Variants in CSMD1 observed in about 807,000 individuals in gnomAD.
CSMD1 encodes the protein CUB and Sushi multiple domains 1.
A neutral mutation model predicts 417.5 loss-of-function variants in CSMD1; 213 were observed. That is an observed-to-expected ratio of 0.51 (90% CI 0.46 to 0.57). CSMD1 has a LOEUF of 0.57. Ranked by LOEUF, CSMD1 falls within the 20% of genes least tolerant of loss-of-function variation. CSMD1 has a pLI of 0.00. For synonymous variants in CSMD1, 2,862 were observed against 1,736.8 expected (o/e 1.65, Z -16.11); for missense variants, 6,923 against 4,529.7 (o/e 1.53, Z -15.17).
intron 1 of CSMD1, among the ~76,000 whole-genome samples, chr8:4,647,396 T>TACGCGTGTGCCACGGAGGC (rs1803591792): frequency 1.2e-5 from 1 of 85,504 alleles, no homozygotes. Flanking sequence ...GCCACGGAGG[T>TACGCGTGTGCCACGGAGGC]CTGTTAGGTA....
At chr8:3,659,498 G>A (rs1310569689) in intron 7 of CSMD1, among the ~76,000 whole-genome samples, 1 of 152,094 alleles carries the variant, frequency 6.6e-6, no homozygotes, top group Non-Finnish European at 1.5e-5. Flanking sequence ...CTTAGCCAAG[G>A]TCAAACTGTT....
At chr8:4,720,341 G>A (rs1257918225) in intron 1 of CSMD1, among the ~76,000 whole-genome samples, 1 of 152,066 alleles carries the variant, frequency 6.6e-6, no homozygotes, top group Non-Finnish European at 1.5e-5. Flanking sequence ...GAATAACATG[G>A]TACCATGTAT....
chr8:4,466,255 G>T (rs938042612), intron 2 of CSMD1, among the ~76,000 whole-genome samples: 4 of 152,086 alleles, frequency 2.6e-5, no homozygotes, highest in African/African-American at 9.7e-5. Flanking sequence ...GATAACCACA[G>T]ATCAGTGGAA....
At chr8:4,123,839 T>C (rs183210044) in intron 3 of CSMD1, among the ~76,000 whole-genome samples, 1 of 152,136 alleles carries the variant, frequency 6.6e-6, no homozygotes, top group African/African-American at 2.4e-5. Flanking sequence ...CTATAGAGAA[T>C]GAGAACACGG....
chr8:3,822,117 A>AT (rs961611683), intron 5 of CSMD1, among the ~76,000 whole-genome samples: 3 of 150,966 alleles, frequency 2.0e-5, no homozygotes, highest in Non-Finnish European at 2.9e-5. Flanking sequence ...TTTCTGGACA[A>AT]TTTTTTTTCT....
intron 1 of CSMD1, among the ~76,000 whole-genome samples, chr8:4,766,781 G>A (rs987531914): frequency 1.3e-5 from 2 of 152,180 alleles, no homozygotes. Flanking sequence ...TACGCACAAT[G>A]AGAGTTGGAT....
intron 11 of CSMD1, among the ~76,000 whole-genome samples, chr8:3,470,271 C>T (rs1054329186): frequency 1.3e-5 from 2 of 152,124 alleles, no homozygotes; most frequent in African/African-American, 4.8e-5. Flanking sequence ...AGTATTGTTT[C>T]ATTTACTTCA....
intron 2 of CSMD1, among the ~76,000 whole-genome samples, chr8:4,568,431 C>G (rs545312428): frequency 1.3e-5 from 2 of 152,112 alleles, no homozygotes; most frequent in Non-Finnish European, 2.9e-5. Context: ...CACCCATGTC[C>G]TTGCAAATGA....
At chr8:3,033,362 A>G (rs10112968) in intron 50 of CSMD1, among the ~76,000 whole-genome samples, 20 of 152,252 alleles carry the variant, frequency 1.3e-4, no homozygotes, top group African/African-American at 4.1e-4. Context: ...CAGATAAAGC[A>G]TTGTTGTTCA....
intron 41 of CSMD1, among the ~76,000 whole-genome samples, chr8:3,132,183 AT>A (rs1817827662): frequency 6.6e-6 from 1 of 152,190 alleles, no homozygotes. Flanking sequence ...CTCAGCAGAT[AT>A]CTCAGTCACA....
intron 3 of CSMD1, among the ~76,000 whole-genome samples, chr8:4,399,599 A>T (rs111550248): frequency 1.3e-5 from 2 of 152,126 alleles, no homozygotes; most frequent in African/African-American, 2.4e-5. Context: ...GGATCTTGCC[A>T]TATTTGTAGT....
intron 4 of CSMD1, among the ~76,000 whole-genome samples, chr8:4,004,419 TC>T (rs1453956899): frequency 1.4e-5 from 2 of 143,014 alleles, no homozygotes; most frequent in Non-Finnish European, 3.0e-5. Context: ...CTGCCATGAA[TC>T]TTTTTTTTTT....
intron 4 of CSMD1, among the ~76,000 whole-genome samples, chr8:4,016,453 C>T (rs530493822): frequency 6.6e-6 from 1 of 152,226 alleles, no homozygotes; most frequent in Admixed American, 6.5e-5. Context: ...TAGACGTCTC[C>T]AGGTCTCAGG....
At chr8:3,666,202 T>A (rs1798685726) in intron 7 of CSMD1, among the ~76,000 whole-genome samples, 1 of 152,202 alleles carries the variant, frequency 6.6e-6, no homozygotes, top group Admixed American at 6.5e-5. Context: ...GGCTTGATGC[T>A]TTGTTTTTCT....
At chr8:3,817,163 G>T (rs1326174805) in intron 5 of CSMD1, among the ~76,000 whole-genome samples, 1 of 145,770 alleles carries the variant, frequency 6.9e-6, no homozygotes, top group African/African-American at 2.5e-5. Context: ...CGAGTAGAAA[G>T]AGACGACCCC....
intron 9 of CSMD1, among the ~76,000 whole-genome samples, chr8:3,579,775 A>C (rs1800303032): frequency 6.6e-6 from 1 of 152,208 alleles, no homozygotes; most frequent in Non-Finnish European, 1.5e-5. Flanking sequence ...GGATTGAATA[A>C]AAGAAGACAA....
chr8:4,546,140 T>C (rs999941460), intron 2 of CSMD1, among the ~76,000 whole-genome samples: 3 of 152,204 alleles, frequency 2.0e-5, no homozygotes, highest in African/African-American at 7.2e-5. Context: ...CAGAGGCTTC[T>C]AGAATCAAAA....
rs568110666 is a variant in CSMD1, at chr8:4,450,401, G to A, written c.303-30336C>T. Among the ~76,000 whole-genome samples the A allele has an allele frequency of 3.3e-5, 5 of 152,270 alleles. No homozygotes were observed. In the South Asian group the frequency reaches 1.0e-3, roughly 32 times the overall value. ...CCAGCACTTTGGAAGGCTGAGGCAG[G>A]CGGATCAGCAGGTCAAGAAATGGAG... On this transcript the variant is annotated intron_variant, in intron 2 of 69. Transcript: ENST00000635120.
chr8:3,026,100 G>A (rs974155082), intron 51 of CSMD1, among the ~76,000 whole-genome samples: 12 of 152,096 alleles, frequency 7.9e-5, no homozygotes, highest in African/African-American at 2.9e-4. Context: ...TAAAAAATGA[G>A]ATGATTTGGA....
Sources: allele counts gnomAD v4.1 joint callset (sites outside exome capture counted in the v4.1 genomes callset), GRCh38; gene constraint gnomAD v4.1.1; transcripts MANE v1.5; gene names NCBI Gene and HGNC (gene_info 2026-07-23, HGNC 2026-07-21).